Variants in KCNH8 observed in about 807,000 individuals in gnomAD.
KCNH8 encodes potassium voltage-gated channel subfamily H member 8, also known as voltage-gated delayed rectifier potassium channel KCNH8.
KCNH8 carries 70 observed loss-of-function variants against 103.6 expected under a neutral mutation model. That is an observed-to-expected ratio of 0.68 (90% CI 0.56 to 0.82). The LOEUF (loss-of-function observed/expected upper bound fraction) is 0.82, where lower values mean the gene tolerates loss of function less well. Among genes scored for constraint, KCNH8 ranks in the 40% least tolerant of loss-of-function variants. The pLI, the probability that KCNH8 is intolerant of heterozygous loss-of-function variation, is 0.00. For missense variants in KCNH8, 1,217 were observed against 1,329.9 expected (o/e 0.92, Z 1.32); for synonymous variants, 498 against 489.4 (o/e 1.02, Z -0.23).
intron 8 of KCNH8, among the ~76,000 whole-genome samples, chr3:19,449,707 TC>T: frequency 6.6e-6 from 1 of 152,238 alleles, no homozygotes; most frequent in African/African-American, 2.4e-5. Flanking sequence ...TTATAGCTTT[TC>T]TATCAAACAA....
At chr3:19,156,009 T>A (rs1329354057) in intron 1 of KCNH8, among the ~76,000 whole-genome samples, 1 of 152,208 alleles carries the variant, frequency 6.6e-6, no homozygotes, top group Non-Finnish European at 1.5e-5. Flanking sequence ...GTATTAATTA[T>A]ATTTATCTCC....
At chr3:19,282,558 C>A (rs1244592686) in intron 3 of KCNH8, among the ~76,000 whole-genome samples, 1 of 152,026 alleles carries the variant, frequency 6.6e-6, no homozygotes, top group East Asian at 1.9e-4. Context: ...AGAAATATAA[C>A]ACAATCCTTA....
At chr3:19,430,359 G>A (rs2067101872) in intron 7 of KCNH8, among the ~76,000 whole-genome samples, 1 of 151,908 alleles carries the variant, frequency 6.6e-6, no homozygotes, top group African/African-American at 2.4e-5. Flanking sequence ...GTGCTCTTTT[G>A]GTTACTGTAG....
chr3:19,286,613 T>A (rs1008940240), intron 3 of KCNH8, among the ~76,000 whole-genome samples: 1 of 152,218 alleles, frequency 6.6e-6, no homozygotes, highest in East Asian at 1.9e-4. Context: ...AATCCACTGA[T>A]GTTTAAATTC....
intron 7 of KCNH8, among the ~76,000 whole-genome samples, chr3:19,410,366 C>A (rs1346595919): frequency 6.6e-6 from 1 of 151,878 alleles, no homozygotes; most frequent in Non-Finnish European, 1.5e-5. Context: ...ACATAACATA[C>A]CAAAATATCT....
chr3:19,515,292 C>T, intron 13 of KCNH8, 30 bp from the exon 14 acceptor site: 2 of 1,277,974 alleles, frequency 1.6e-6, no homozygotes, highest in Non-Finnish European at 1.1e-6. Context: ...TATGAATCCA[C>T]AGCCAGCCAA....
chr3:19,174,192 C>G (rs1459492285), intron 1 of KCNH8, among the ~76,000 whole-genome samples: 1 of 152,082 alleles, frequency 6.6e-6, no homozygotes, highest in Non-Finnish European at 1.5e-5. Context: ...CCCATATCTA[C>G]AGAAATGGAT....
At chr3:19,378,638 T>G (rs1018038875) in intron 5 of KCNH8, among the ~76,000 whole-genome samples, 1 of 152,240 alleles carries the variant, frequency 6.6e-6, no homozygotes, top group African/African-American at 2.4e-5. Flanking sequence ...CCACTGGATA[T>G]AAGTCAATCA....
Position 19,176,357 on chromosome 3 carries a change from C to T in KCNH8, c.76+27562C>T, listed in dbSNP as rs1442894248. Among the ~76,000 whole-genome samples, 4 of 152,086 alleles carry T rather than the reference C, an allele frequency of 2.6e-5. No homozygotes were observed. In the South Asian group the frequency reaches 6.2e-4, roughly 24 times the overall value. ...ATATTCAGCTAAACAGTATGAGGCTCTATAAACATGAGGTAGAGTATTCTC... is the reference window on the plus strand; with the variant it reads ...ATATTCAGCTAAACAGTATGAGGCTTTATAAACATGAGGTAGAGTATTCTC... On this transcript the variant is annotated intron_variant, in intron 1 of 15. Transcript: ENST00000328405.
chr3:19,336,472 A>C lies in KCNH8; in HGVS notation c.443-6115A>C, dbSNP rs530514928. On this transcript the variant is annotated intron_variant, in intron 3 of 15. Transcript: ENST00000328405. ...AATGTTCCATGAGCATATGAAAAGAAGAGAAATTCTTTCTTTGGTAGATAC... is the reference window on the plus strand; with the variant it reads ...AATGTTCCATGAGCATATGAAAAGACGAGAAATTCTTTCTTTGGTAGATAC... 3.5e-4 allele frequency among the ~76,000 whole-genome samples: 53 copies of C among 152,014 alleles called. No individual in the cohort carries two copies. The South Asian group carries it at 0.011, about 31-fold the overall frequency.
chr3:19,277,124 C>T lies in KCNH8; in HGVS notation c.311-4074C>T, dbSNP rs185222432. Among the ~76,000 whole-genome samples, 420 of 152,154 alleles carry T rather than the reference C, an allele frequency of 2.8e-3. 4 individuals carry two copies. Among genetic ancestry groups the T allele is most frequent in the African/African-American group, 9.4e-3 (392 of 41,502 alleles). ...CAGAAAGACAAATATTGCATGTTCTCATTCATATTTGAGAGCTAAAAAAGT... is the reference window on the plus strand; with the variant it reads ...CAGAAAGACAAATATTGCATGTTCTTATTCATATTTGAGAGCTAAAAAAGT... On this transcript the variant is annotated intron_variant, in intron 2 of 15. Transcript: ENST00000328405.
intron 11 of KCNH8, among the ~76,000 whole-genome samples, chr3:19,501,866 A>G (rs1167316088): frequency 1.3e-5 from 2 of 152,180 alleles, no homozygotes; most frequent in African/African-American, 2.4e-5. Context: ...AAACTGGCAC[A>G]AGACAGGGAT....
At position 19,484,375 on chromosome 3, in the gene KCNH8, A is replaced by G. The variant is rs140205290; in HGVS notation, c.2041-25988A>G. On this transcript the variant is annotated intron_variant, in intron 11 of 15. Coordinates refer to ENST00000328405, the MANE Select transcript of KCNH8 (RefSeq NM_144633.3). ...CCTCAGTAACCTGATGTATACACTA[A>G]GAGTAGTCTTTCATGCGGGGAAAAT... 3.7e-3 allele frequency among the ~76,000 whole-genome samples: 568 copies of G among 152,322 alleles called. 4 individuals carry two copies. Among genetic ancestry groups the G allele is most frequent in the African/African-American group, 0.013 (525 of 41,580 alleles).
chr3:19,321,885 G>A (rs1265574973), intron 3 of KCNH8, among the ~76,000 whole-genome samples: 1 of 151,840 alleles, frequency 6.6e-6, no homozygotes, highest in Admixed American at 6.6e-5. Flanking sequence ...TATATATTTA[G>A]GATTGTGATA....
intron 1 of KCNH8, among the ~76,000 whole-genome samples, chr3:19,167,821 C>T (rs2063300431): frequency 1.3e-5 from 2 of 152,090 alleles, no homozygotes; most frequent in Admixed American, 1.3e-4. Context: ...AAACAATTCA[C>T]CTACCTTCTT....
At chr3:19,344,362 A>G (rs774326044) in intron 4 of KCNH8, among the ~76,000 whole-genome samples, 4 of 152,080 alleles carry the variant, frequency 2.6e-5, no homozygotes, top group Non-Finnish European at 4.4e-5. Flanking sequence ...TGGGCATGCT[A>G]TTTTTCCCTT....
chr3:19,512,959 C>G lies in KCNH8; in HGVS notation c.2080-11C>G, dbSNP rs1219709766. 1 of 1,607,638 alleles carries G rather than the reference C, an allele frequency of 6.2e-7. No individual in the cohort carries two copies. Among genetic ancestry groups the G allele is most frequent in the Admixed American group, 1.7e-5 (1 of 58,934 alleles). On this transcript the variant is annotated splice_polypyrimidine_tract_variant and intron_variant, in intron 12 of 15. Transcript: ENST00000328405. ...GCAGTCTGTACTAATTTATATTATC[C>G]ACTGATTTAGTCAGAGCCCAAGGGA...
At chr3:19,490,778 A>G (rs1212940829) in intron 11 of KCNH8, among the ~76,000 whole-genome samples, 4 of 152,170 alleles carry the variant, frequency 2.6e-5, no homozygotes, top group Non-Finnish European at 4.4e-5. Context: ...GAGTTGGACT[A>G]ATTCAATGGT....
chr3:19,376,133 C>A (rs947435970), intron 5 of KCNH8, among the ~76,000 whole-genome samples: 11 of 151,202 alleles, frequency 7.3e-5, no homozygotes, highest in African/African-American at 2.4e-4. Context: ...CCACCCAGTT[C>A]GAGCGTCCAG....
Sources: gnomAD v4.1 joint callset for allele counts (sites outside exome capture counted in the v4.1 genomes callset) on GRCh38, gnomAD v4.1.1 for gene constraint, MANE v1.5 for transcripts, NCBI Gene and HGNC (gene_info 2026-07-23, HGNC 2026-07-21) for gene names.